The following ANK2 variants were observed in gnomAD, a reference collection of about 807,000 sequenced individuals.
The protein encoded by ANK2 is ankyrin-2.
In ANK2, 83 loss-of-function variants were observed where a neutral mutation model predicts 360.5. That is an observed-to-expected ratio of 0.23 (90% CI 0.19 to 0.28). ANK2 has a LOEUF of 0.28. Among genes scored for constraint, ANK2 ranks in the 10% least tolerant of loss-of-function variants. The pLI, the probability that ANK2 is intolerant of heterozygous loss-of-function variation, is 1.00. For synonymous variants in ANK2, 1,740 were observed against 1,759.5 expected (o/e 0.99, Z 0.28); for missense variants, 4,201 against 4,795.7 (o/e 0.88, Z 3.66).
intron 1 of ANK2, among the ~76,000 whole-genome samples, chr4:112,894,410 TATAC>T (rs2081128045): frequency 6.6e-6 from 1 of 152,222 alleles, no homozygotes; most frequent in Admixed American, 6.5e-5. Flanking sequence ...GGATATGTAG[TATAC>T]ATACATATAT....
chr4:113,364,866 C>CT (rs948268464), intron 40 of ANK2, among the ~76,000 whole-genome samples, 173 bp from the exon 41 acceptor site: 1 of 152,122 alleles, frequency 6.6e-6, no homozygotes, highest in Non-Finnish European at 1.5e-5. Context: ...TGCTGTACCA[C>CT]TTTTTTTATG....
chr4:112,735,856 C>T, the ANK2 span, among the ~76,000 whole-genome samples: 2 of 152,120 alleles, frequency 1.3e-5, no homozygotes, highest in Non-Finnish European at 2.9e-5. Context: ...CTCATCCCAG[C>T]CCATGGTAAC....
At chr4:112,979,143 G>A (rs1044590403) in intron 2 of ANK2, among the ~76,000 whole-genome samples, 4 of 152,162 alleles carry the variant, frequency 2.6e-5, no homozygotes, top group East Asian at 1.9e-4. Context: ...TGCTTGGCTC[G>A]TGCTACCAGC....
chr4:112,936,149 G>T (rs2093696410), intron 2 of ANK2, among the ~76,000 whole-genome samples: 1 of 152,138 alleles, frequency 6.6e-6, no homozygotes, highest in Non-Finnish European at 1.5e-5. Flanking sequence ...CTGAAGCATT[G>T]CTTTGTCTGT....
Position 113,257,215 on chromosome 4 carries a change from T to C in ANK2, c.1189-835T>C, listed in dbSNP as rs570102721. 3.9e-5 allele frequency among the ~76,000 whole-genome samples: 6 copies of C among 152,150 alleles called. No homozygotes were observed. In the South Asian group the frequency reaches 1.3e-3, roughly 32 times the overall value. On this transcript the variant is annotated intron_variant, in intron 11 of 45. Coordinates refer to ENST00000357077, the MANE Select transcript of ANK2 (RefSeq NM_001148.6). Reference sequence around the variant, plus strand: ...GAATAGACATAACAAAGGAACATTGTTGAAATAAAAAAAATATATAATACA... The same window carrying C: ...GAATAGACATAACAAAGGAACATTGCTGAAATAAAAAAAATATATAATACA...
At chr4:112,829,504 A>G (rs2059223265) in intron 1 of ANK2, among the ~76,000 whole-genome samples, 1 of 150,448 alleles carries the variant, frequency 6.6e-6, no homozygotes, top group Non-Finnish European at 1.5e-5. Context: ...AAAAAAAAAA[A>G]AAAAAAGGAA....
At chr4:113,349,490 C>T (rs932288312) in intron 36 of ANK2, among the ~76,000 whole-genome samples, 1 of 151,808 alleles carries the variant, frequency 6.6e-6, no homozygotes, top group Non-Finnish European at 1.5e-5. Flanking sequence ...TTTTCTGATA[C>T]CTTGCAATGG....
chr4:112,911,915 C>G (rs1168680462), intron 2 of ANK2, among the ~76,000 whole-genome samples: 2 of 152,058 alleles, frequency 1.3e-5, no homozygotes, highest in Non-Finnish European at 2.9e-5. Flanking sequence ...TGGTGGCTCA[C>G]GCCTGTAATC....
In ANK2 at chr4:113,263,885, C is replaced by G. The variant is rs1195540436; in HGVS notation, c.1387-1012C>G. Among the ~76,000 whole-genome samples the G allele has an allele frequency of 2.0e-5, 3 of 152,146 alleles. No individual in the cohort carries two copies. In the East Asian group the frequency reaches 5.8e-4, roughly 29 times the overall value. ...AAAATATGCTGATTTTTAAAAACCT[C>G]TCTCTTAGAGACAGTAGAGTAATAA... On this transcript the variant is annotated intron_variant, in intron 13 of 45. Transcript: ENST00000357077.
intron 1 of ANK2, among the ~76,000 whole-genome samples, chr4:113,096,019 G>T (rs1463981006): frequency 6.6e-6 from 1 of 152,168 alleles, no homozygotes; most frequent in Non-Finnish European, 1.5e-5. Flanking sequence ...GCTCTGATGA[G>T]GGGCTGCCAA....
At chr4:112,774,465 G>A in the ANK2 span, among the ~76,000 whole-genome samples, 15 of 152,190 alleles carry the variant, frequency 9.9e-5, no homozygotes, top group African/African-American at 3.4e-4. Context: ...GGCAGAGCTT[G>A]CAGTGAGCCG....
Position 113,196,249 on chromosome 4 carries a change from A to AG in ANK2, c.187-117dup, listed in dbSNP as rs551234976. Reference sequence around the variant, plus strand: ...ATAGATTCAAGATTCTAATGCAAAAAGGAAAAAAAAGAAGAGATCAGAGTC... The same window carrying AG: ...ATAGATTCAAGATTCTAATGCAAAAAGGGAAAAAAAAGAAGAGATCAGAGTC... On this transcript the variant is annotated intron_variant, in intron 2 of 45. Transcript: ENST00000357077. 4.6e-4 allele frequency: 347 copies of AG among 755,418 alleles called. 2 individuals are homozygous for AG. The African/African-American group carries it at 5.7e-3, about 12-fold the overall frequency. 46.8% of individuals were successfully genotyped at this position (755,418 alleles called of 1,614,324 possible).
intron 2 of ANK2, among the ~76,000 whole-genome samples, chr4:112,966,624 G>A (rs2037375967): frequency 6.6e-6 from 1 of 151,838 alleles, no homozygotes; most frequent in African/African-American, 2.4e-5. Context: ...TAGTGTTATG[G>A]TGAACATTTT....
intron 1 of ANK2, among the ~76,000 whole-genome samples, chr4:112,883,018 CTTTTTTTTTTTTTTTTTTTTTTT>C (rs536262490): frequency 9.8e-4 from 30 of 30,526 alleles, no homozygotes; most frequent in Non-Finnish European, 1.7e-3. Context: ...CTTGGTTAGT[CTTTTTTTTTTTTTTTTTTTTTTT>C]TTTTTTTTTT....
intron 14 of ANK2, among the ~76,000 whole-genome samples, chr4:113,272,230 T>C (rs940931106): frequency 4.6e-5 from 7 of 152,212 alleles, no homozygotes; most frequent in Admixed American, 4.6e-4. Flanking sequence ...CAGAGTAAAA[T>C]GGTAGACTGC....
intron 2 of ANK2, among the ~76,000 whole-genome samples, chr4:113,015,004 G>A (rs1454895218): frequency 3.3e-5 from 5 of 151,712 alleles, no homozygotes; most frequent in African/African-American, 9.7e-5. Flanking sequence ...GACTACAGGC[G>A]CCCGCCACCA....
intron 1 of ANK2, among the ~76,000 whole-genome samples, chr4:113,129,413 A>G (rs927836907): frequency 1.3e-5 from 2 of 152,206 alleles, no homozygotes; most frequent in African/African-American, 2.4e-5. Context: ...ATAACTTGGA[A>G]TGACTTTTGC....
At chr4:113,231,630 G>C (rs1291566067) in intron 4 of ANK2, among the ~76,000 whole-genome samples, 1 of 148,422 alleles carries the variant, frequency 6.7e-6, no homozygotes, top group Non-Finnish European at 1.5e-5. Context: ...TTTTGAGACA[G>C]TCTCACTCTG....
intron 37 of ANK2, 34 bp downstream of exon 37, chr4:113,350,283 AGCTG>A: frequency 6.3e-7 from 1 of 1,580,380 alleles, no homozygotes; most frequent in Non-Finnish European, 8.6e-7. Flanking sequence ...TTTGTTTGAA[AGCTG>A]GCTACCATAA....
Sources: gnomAD v4.1 joint callset for allele counts (sites outside exome capture counted in the v4.1 genomes callset) on GRCh38, gnomAD v4.1.1 for gene constraint, MANE v1.5 for transcripts, NCBI Gene and HGNC (gene_info 2026-07-23, HGNC 2026-07-21) for gene names.